CAPN14: variants seen among roughly 807,000 people sequenced by gnomAD.
The protein encoded by CAPN14 is calpain-14.
Under a neutral mutation model 101.3 loss-of-function variants are expected in CAPN14, and 94 were observed. The observed-to-expected ratio is 0.93, with a 90% CI of 0.79 to 1.10. The LOEUF (loss-of-function observed/expected upper bound fraction) is 1.10, where lower values mean the gene tolerates loss of function less well. Among genes scored for constraint, CAPN14 ranks in the 50% least tolerant of loss-of-function variants. The pLI is 0.00. For missense variants in CAPN14, 837 were observed against 828.4 expected (o/e 1.01, Z -0.13); for synonymous variants, 338 against 317.9 (o/e 1.06, Z -0.67).
At chr2:31,203,758 G>T (rs1276729688) in intron 2 of CAPN14, among the ~76,000 whole-genome samples, 1 of 152,128 alleles carries the variant, frequency 6.6e-6, no homozygotes, top group Admixed American at 6.5e-5. Flanking sequence ...ACACAGTAGG[G>T]ACTTCATAAG....
At chr2:31,196,251 T>G (rs957092563) in intron 8 of CAPN14, among the ~76,000 whole-genome samples, 3 of 152,204 alleles carry the variant, frequency 2.0e-5, no homozygotes, top group Non-Finnish European at 4.4e-5. Context: ...TAAACTAAGA[T>G]CACACAGCTA....
chr2:31,206,185 G>T, intron 1 of CAPN14, among the ~76,000 whole-genome samples: 1 of 151,828 alleles, frequency 6.6e-6, no homozygotes, highest in Non-Finnish European at 1.5e-5. Flanking sequence ...AAGGCCGCAG[G>T]GGGTGCTGGG....
chr2:31,215,911 A>G (rs528844837), intron 1 of CAPN14, among the ~76,000 whole-genome samples: 1 of 152,234 alleles, frequency 6.6e-6, no homozygotes, highest in African/African-American at 2.4e-5. Context: ...TACAAACTAT[A>G]TGATACAATT....
chr2:31,220,056 T>C (rs1431590824), upstream of CAPN14, among the ~76,000 whole-genome samples: 1 of 152,186 alleles, frequency 6.6e-6, no homozygotes, highest in Non-Finnish European at 1.5e-5. Flanking sequence ...AGCAATCAAA[T>C]TGAATTCCTG....
In CAPN14 at chr2:31,194,480, T is replaced by G; in HGVS notation, c.879A>C (p.Ser293=). The G allele has an allele frequency of 1.2e-5, 18 of 1,550,500 alleles. No individual in the cohort carries two copies. The highest frequency in any genetic ancestry group is 7.1e-5 in the South Asian group (6 of 84,036). ...TGGGGCTCAGCAGCTCCCATTTACT[T>G]GAACTGAAAATAGAAAAGGGAATGA... is the stretch of plus-strand genomic sequence containing the variant. The part of the protein sequence containing the change: ...VEWKGDWSDS[S]SKWELLSPKE... Residue 293 remains serine (S), a synonymous_variant, in exon 9 of 22, where the codon TCA becomes TCC. Coordinates refer to ENST00000403897, the MANE Select transcript of CAPN14 (RefSeq NM_001145122.2).
rs112620290 is a variant in CAPN14, at chr2:31,230,940, T to A, written c.-177+2851A>T. On this transcript the variant is annotated intron_variant and NMD_transcript_variant, in intron 1 of 21. Coordinates refer to the CAPN14 transcript ENST00000398824. This position sits in a 1 kb window ranked among gnomAD's most constrained non-coding sequence, Gnocchi z 4.3. ...CAATCTCTATTGCAACTTCTGTATATGTCAGGCTTCCAAATTTCCTGGCTA... is the reference window on the plus strand; with the variant it reads ...CAATCTCTATTGCAACTTCTGTATAAGTCAGGCTTCCAAATTTCCTGGCTA... 2.2e-4 allele frequency among the ~76,000 whole-genome samples: 34 copies of A among 152,366 alleles called. No homozygotes were observed. Among genetic ancestry groups the A allele is most frequent in the African/African-American group, 7.9e-4 (33 of 41,584 alleles).
chr2:31,205,988 C>A (rs1682056147), intron 1 of CAPN14, among the ~76,000 whole-genome samples: 1 of 151,266 alleles, frequency 6.6e-6, no homozygotes, highest in Admixed American at 6.6e-5. Context: ...CCTCCTTATT[C>A]TTCCCTGCAA....
At chr2:31,179,137 A>G (rs181691740) in intron 17 of CAPN14, among the ~76,000 whole-genome samples, 2 of 149,212 alleles carry the variant, frequency 1.3e-5, no homozygotes, top group African/African-American at 2.5e-5. Context: ...GGTTTGTTAC[A>G]TAGGTATACA....
chr2:31,222,334 C>T (rs576140092), upstream of CAPN14, among the ~76,000 whole-genome samples: 8 of 152,190 alleles, frequency 5.3e-5, no homozygotes, highest in Admixed American at 4.6e-4. Context: ...CTGGGCCTCC[C>T]GAACACATAG....
At chr2:31,223,764 G>A (rs1236748902) in intron 2 of CAPN14, among the ~76,000 whole-genome samples, 1 of 151,852 alleles carries the variant, frequency 6.6e-6, no homozygotes, top group Non-Finnish European at 1.5e-5. Context: ...TCCTGACCTC[G>A]TGATCCACCT....
upstream of CAPN14, among the ~76,000 whole-genome samples, chr2:31,217,724 A>C (rs1177393214): frequency 1.3e-5 from 2 of 152,122 alleles, no homozygotes; most frequent in African/African-American, 4.8e-5. Flanking sequence ...TGTTTCAGTA[A>C]TGCCTTAATG....
chr2:31,174,332 T>G lies in CAPN14; in HGVS notation c.*349A>C, dbSNP rs772260765. Reference sequence around the variant, plus strand: ...GTGGCATGTCTAAAGTCACTTGAGTTTGCAGCCACAGAGGCAGTGTTGTAT... The same window carrying G: ...GTGGCATGTCTAAAGTCACTTGAGTGTGCAGCCACAGAGGCAGTGTTGTAT... On this transcript the variant is annotated 3_prime_UTR_variant, in exon 22 of 22. Coordinates refer to ENST00000403897, the MANE Select transcript of CAPN14 (RefSeq NM_001145122.2). 1.2e-4 allele frequency: 47 copies of G among 398,230 alleles called. No homozygotes were observed. The highest frequency in any genetic ancestry group is 2.0e-4 in the Non-Finnish European group (43 of 220,320). The allele number at this position is 398,230 out of a possible 1,614,324, so 24.7% of individuals were successfully genotyped here.
At chr2:31,204,796 G>A (rs1681984525) in intron 2 of CAPN14, among the ~76,000 whole-genome samples, 2 of 152,126 alleles carry the variant, frequency 1.3e-5, no homozygotes, top group Admixed American at 1.3e-4. Flanking sequence ...TGTAAGCGAA[G>A]CATTTCCCTG....
At chr2:31,212,035 T>C (rs1185791691) in intron 1 of CAPN14, among the ~76,000 whole-genome samples, 1 of 152,096 alleles carries the variant, frequency 6.6e-6, no homozygotes, top group Non-Finnish European at 1.5e-5. Context: ...CTTAAAAACA[T>C]GGCCAGGCAC....
At chr2:31,196,030 C>T (rs541436556) in intron 8 of CAPN14, among the ~76,000 whole-genome samples, 23 of 151,694 alleles carry the variant, frequency 1.5e-4, no homozygotes, top group African/African-American at 3.6e-4. Flanking sequence ...ATAAAAGTGC[C>T]GCATATTCTC....
At chr2:31,216,998 G>A (rs1682675858) in intron 1 of CAPN14, among the ~76,000 whole-genome samples, 1 of 152,264 alleles carries the variant, frequency 6.6e-6, no homozygotes, top group Admixed American at 6.5e-5. Flanking sequence ...CGGCCTCCTT[G>A]ACTCTGAGGA....
intron 1 of CAPN14, among the ~76,000 whole-genome samples, chr2:31,231,076 T>C (rs1025877855): frequency 6.6e-6 from 1 of 152,200 alleles, no homozygotes; most frequent in African/African-American, 2.4e-5. Flanking sequence ...TTGCCATTGC[T>C]ATGTTACTGT....
chr2:31,218,617 G>A (rs1231630423), upstream of CAPN14, among the ~76,000 whole-genome samples: 1 of 152,190 alleles, frequency 6.6e-6, no homozygotes, highest in Non-Finnish European at 1.5e-5. Context: ...CACATTGCAT[G>A]CAGAATCTCA....
intron 1 of CAPN14, among the ~76,000 whole-genome samples, chr2:31,210,225 C>T (rs926205888): frequency 1.2e-4 from 18 of 152,134 alleles, no homozygotes; most frequent in African/African-American, 2.9e-4. Context: ...GGGCGGATCA[C>T]GAGGTCAAGA....
Sources: allele counts gnomAD v4.1 joint callset (sites outside exome capture counted in the v4.1 genomes callset), GRCh38; gene constraint gnomAD v4.1.1; non-coding constraint Gnocchi (gnomAD v3.1); transcripts MANE v1.5; gene names NCBI Gene and HGNC (gene_info 2026-07-23, HGNC 2026-07-21).